The following MAP3K5 variants were observed in gnomAD, a reference collection of about 807,000 sequenced individuals.
The protein encoded by MAP3K5 is mitogen-activated protein kinase kinase kinase 5.
A neutral mutation model predicts 158.7 loss-of-function variants in MAP3K5; 56 were observed. That is an observed-to-expected ratio of 0.35 (90% CI 0.28 to 0.44). MAP3K5 has a LOEUF of 0.44. Ranked by LOEUF, MAP3K5 falls within the 20% of genes least tolerant of loss-of-function variation. The probability of loss-of-function intolerance (pLI) is 1.00; values close to 1 mark genes in which losing one functional copy is unlikely to be tolerated. For missense variants in MAP3K5, 1,294 were observed against 1,674.8 expected, an observed-to-expected ratio of 0.77 and a Z score of 3.97; for synonymous variants, 579 against 601.7, an observed-to-expected ratio of 0.96 and a Z score of 0.55.
chr6:136,727,957 G>A (rs1004259799), intron 1 of MAP3K5, among the ~76,000 whole-genome samples: 16 of 131,098 alleles, frequency 1.2e-4, no homozygotes, highest in South Asian at 4.9e-4. Flanking sequence ...GCGAGACTCC[G>A]CCTCAAAGAA....
chr6:136,571,471 G>GA (rs1774362655), intron 25 of MAP3K5, among the ~76,000 whole-genome samples: 1 of 152,096 alleles, frequency 6.6e-6, no homozygotes, highest in Admixed American at 6.5e-5. Context: ...CTACAGGAGT[G>GA]AAAAAACCAT....
chr6:136,739,380 G>A (rs1294364239), intron 1 of MAP3K5, among the ~76,000 whole-genome samples: 4 of 152,170 alleles, frequency 2.6e-5, no homozygotes, highest in African/African-American at 9.7e-5. Flanking sequence ...CTTTGTCACA[G>A]AAAGGGCTTA....
intron 1 of MAP3K5, among the ~76,000 whole-genome samples, chr6:136,759,572 G>A (rs1419066130): frequency 6.7e-6 from 1 of 149,526 alleles, no homozygotes; most frequent in Non-Finnish European, 1.5e-5. Context: ...CTAGGCTCGA[G>A]CGATCCTCCC....
chr6:136,646,997 G>A (rs1778291282), intron 11 of MAP3K5, among the ~76,000 whole-genome samples: 1 of 152,156 alleles, frequency 6.6e-6, no homozygotes, highest in South Asian at 2.1e-4. Context: ...ATCAAAACTT[G>A]AGTCACCTTA....
At chr6:136,572,805 T>C (rs1319477653) in intron 25 of MAP3K5, among the ~76,000 whole-genome samples, 1 of 152,246 alleles carries the variant, frequency 6.6e-6, no homozygotes, top group Non-Finnish European at 1.5e-5. Context: ...AGATTAAACA[T>C]TGTAAAATAT....
At chr6:136,650,246 G>A (rs187554199) in intron 11 of MAP3K5, among the ~76,000 whole-genome samples, 1 of 152,290 alleles carries the variant, frequency 6.6e-6, no homozygotes, top group African/African-American at 2.4e-5. Context: ...GGCATTCTGG[G>A]AAACAGTTAC....
chr6:136,604,777 T>A (rs5880302), intron 19 of MAP3K5, among the ~76,000 whole-genome samples: 4,949 of 120,314 alleles, frequency 0.041, 116 homozygotes, highest in African/African-American at 0.11. Flanking sequence ...CTTTTTTTTT[T>A]AAAAAAAATG....
chr6:136,622,281 T>C (rs1776840883), intron 15 of MAP3K5, among the ~76,000 whole-genome samples: 3 of 151,944 alleles, frequency 2.0e-5, no homozygotes, highest in Admixed American at 2.0e-4. Context: ...CCTCTAGAGA[T>C]TTGTCAGTTA....
chr6:136,711,806 G>A (rs750538295), intron 2 of MAP3K5, among the ~76,000 whole-genome samples: 2 of 152,148 alleles, frequency 1.3e-5, no homozygotes, highest in Non-Finnish European at 2.9e-5. Flanking sequence ...ATTACTTGCA[G>A]TACTTTAAAG....
chr6:136,647,266 C>T (rs185729550), intron 11 of MAP3K5, among the ~76,000 whole-genome samples: 1 of 152,316 alleles, frequency 6.6e-6, no homozygotes, highest in East Asian at 1.9e-4. Flanking sequence ...TTGTTCCAAG[C>T]CACTTAGCAC....
At chr6:136,790,106 A>T (rs1785013046) in intron 1 of MAP3K5, among the ~76,000 whole-genome samples, 1 of 152,192 alleles carries the variant, frequency 6.6e-6, no homozygotes, top group African/African-American at 2.4e-5. Context: ...TAAGAAGGTA[A>T]GTACTTCCTT....
intron 3 of MAP3K5, among the ~76,000 whole-genome samples, chr6:136,699,619 A>G (rs1316251295): frequency 6.6e-6 from 1 of 152,202 alleles, no homozygotes; most frequent in Non-Finnish European, 1.5e-5. Flanking sequence ...TGCCCAAGCG[A>G]GGATAAACTG....
chr6:136,616,209 C>T (rs1017301435), intron 15 of MAP3K5, among the ~76,000 whole-genome samples: 2 of 151,512 alleles, frequency 1.3e-5, no homozygotes, highest in Non-Finnish European at 2.9e-5. Flanking sequence ...CAATAAGATA[C>T]TTAGGTAATG....
intron 1 of MAP3K5, among the ~76,000 whole-genome samples, chr6:136,773,752 A>T (rs139984152): frequency 0.029 from 4,407 of 152,158 alleles, 99 homozygotes; most frequent in Middle Eastern, 0.065. Flanking sequence ...GGTTCAAGTG[A>T]TTCTCATGCC....
rs572428071 is a variant in MAP3K5, at chr6:136,678,756, C to T, written c.1254-9361G>A. On this transcript the variant is annotated intron_variant, in intron 7 of 29. Transcript: ENST00000359015. ...TTTTTTTCTTCTTGAGATGGAGTCT[C>T]GCTCTGTCGTCCAGGCTAGAGTGCA... 4.0e-5 allele frequency among the ~76,000 whole-genome samples: 6 copies of T among 150,292 alleles called. No homozygotes were observed. In the South Asian group the frequency reaches 8.4e-4, roughly 21 times the overall value.
At chr6:136,601,195 C>T (rs554394337) in intron 20 of MAP3K5, among the ~76,000 whole-genome samples, 153 bp from the exon 21 acceptor site, 44 of 151,250 alleles carry the variant, frequency 2.9e-4, no homozygotes, top group African/African-American at 6.9e-4. Flanking sequence ...CATCAAAAAA[C>T]GCCAAGAACA....
rs571793076 is a variant in MAP3K5 at position 136,650,721 on chromosome 6, T to C, written c.1788+263A>G. ...GGCATGAATTTACAAAAGAGAAATA[T>C]TCCAATTCTGAGTATGCTTTGGATG... On this transcript the variant is annotated intron_variant, in intron 11 of 29. Transcript: ENST00000359015. Among the ~76,000 whole-genome samples, 15 of 152,354 alleles carry C rather than the reference T, an allele frequency of 9.8e-5. No individual in the cohort carries two copies. In the South Asian group the frequency reaches 2.9e-3, roughly 29 times the overall value.
chr6:136,570,727 A>C lies in MAP3K5; in HGVS notation c.3518-2853T>G, dbSNP rs551066923. On this transcript the variant is annotated intron_variant, in intron 25 of 29. Coordinates refer to ENST00000359015, the MANE Select transcript of MAP3K5 (RefSeq NM_005923.4). ...CAGTTCAGTAGTGTTAAGTATACTA[A>C]CAGTGTTATGCTACCAATCTCCAGA... 5.3e-5 allele frequency among the ~76,000 whole-genome samples: 8 copies of C among 152,304 alleles called. No homozygotes were observed. The South Asian group carries it at 1.7e-3, about 32-fold the overall frequency.
rs532446489 is a variant in MAP3K5, at chr6:136,674,369, G to C, written c.1254-4974C>G. 3.3e-5 allele frequency among the ~76,000 whole-genome samples: 5 copies of C among 152,016 alleles called. No homozygotes were observed. The South Asian group carries it at 6.2e-4, about 19-fold the overall frequency. On this transcript the variant is annotated intron_variant, in intron 7 of 29. Coordinates refer to ENST00000359015, the MANE Select transcript of MAP3K5 (RefSeq NM_005923.4). ...GCTCCAAGTTTCTTTCCTTGTTCAGGAAGCAGTAAAATACAAAATGTAAGG... is the reference window on the plus strand; with the variant it reads ...GCTCCAAGTTTCTTTCCTTGTTCAGCAAGCAGTAAAATACAAAATGTAAGG...
Sources: allele counts gnomAD v4.1 joint callset (sites outside exome capture counted in the v4.1 genomes callset), GRCh38; gene constraint gnomAD v4.1.1; transcripts MANE v1.5; gene names NCBI Gene and HGNC (gene_info 2026-07-23, HGNC 2026-07-21).